Variants in ITGA4 observed in about 807,000 individuals in gnomAD.
ITGA4 encodes the protein integrin alpha-4.
Under a neutral mutation model 133.6 loss-of-function variants are expected in ITGA4, and 63 were observed. The observed-to-expected ratio is 0.47, with a 90% confidence interval of 0.38 to 0.58. ITGA4 has a LOEUF of 0.58. Ranked by LOEUF, ITGA4 falls within the 20% of genes least tolerant of loss-of-function variation. The pLI is 0.00. For missense variants in ITGA4, 1,076 were observed against 1,252.7 expected (o/e 0.86, Z 2.13); for synonymous variants, 483 against 438.0 (o/e 1.10, Z -1.28).
At chr2:181,488,664 T>C (rs1005433090) in intron 10 of ITGA4, among the ~76,000 whole-genome samples, 4 of 152,042 alleles carry the variant, frequency 2.6e-5, no homozygotes, top group Admixed American at 6.5e-5. Context: ...GTTCATGCCA[T>C]TCTCCTGCCT....
At chr2:181,470,471 C>T (rs753950975) in intron 2 of ITGA4, among the ~76,000 whole-genome samples, 42 of 152,210 alleles carry the variant, frequency 2.8e-4, no homozygotes, top group African/African-American at 5.8e-4. Context: ...CAAAAAAATT[C>T]TTATGTCTGG....
chr2:181,520,606 C>T (rs1686697726), intron 17 of ITGA4, among the ~76,000 whole-genome samples: 1 of 152,036 alleles, frequency 6.6e-6, no homozygotes, highest in African/African-American at 2.4e-5. Flanking sequence ...ATGACATTTT[C>T]AGACTTAAAA....
At chr2:181,509,829 C>A in intron 16 of ITGA4, 22 bp downstream of exon 16, 1 of 1,550,186 alleles carries the variant, frequency 6.5e-7, no homozygotes, top group South Asian at 1.2e-5. Context: ...TTCCTTTATT[C>A]AAATTATTGT....
rs1687154471 is a variant in ITGA4, at chr2:181,537,009, G to GTGAGGAATGTTCT, written c.*1483_*1495dup. ...ATCTGTTCACAGGCCTGCAGTGATG[G>GTGAGGAATGTTCT]TGAGGAATGTTCTGAGATTTGCGAA... On this transcript the variant is annotated 3_prime_UTR_variant, in exon 28 of 28. Transcript: ENST00000397033. 2.2e-6 allele frequency: 1 copy of GTGAGGAATGTTCT among 447,878 alleles called. No individual in the cohort carries two copies. The highest frequency in any genetic ancestry group is 2.4e-5 in the Admixed American group (1 of 41,758). 27.7% of individuals were successfully genotyped at this position (447,878 alleles called of 1,614,324 possible). A position where few individuals can be genotyped will look rare whatever the true frequency, so the allele number is the denominator to read the frequency against.
intron 17 of ITGA4, among the ~76,000 whole-genome samples, chr2:181,521,287 G>A (rs531083805): frequency 1.3e-5 from 2 of 152,216 alleles, no homozygotes; most frequent in African/African-American, 4.8e-5. Context: ...CTCTCACTGG[G>A]AAAAAGAATG....
rs151212304 is a variant in ITGA4 at position 181,476,981 on chromosome 2, C to T, written c.556+1693C>T. Among the ~76,000 whole-genome samples, 654 of 152,070 alleles carry T rather than the reference C, an allele frequency of 4.3e-3. 5 individuals carry two copies. The highest frequency in any genetic ancestry group is 5.4e-3 in the Non-Finnish European group (366 of 67,970). ...ACACTAGGGCCTACCTGGTGGTAGACGGTGGGAGCAGAGAGAGGATTGAAA... is the reference window on the plus strand; with the variant it reads ...ACACTAGGGCCTACCTGGTGGTAGATGGTGGGAGCAGAGAGAGGATTGAAA... On this transcript the variant is annotated intron_variant, in intron 4 of 27. Transcript: ENST00000397033.
In ITGA4 at chr2:181,490,164, C is replaced by G. The variant is rs146509452; in HGVS notation, c.1154-3161C>G. 1.1e-4 allele frequency among the ~76,000 whole-genome samples: 17 copies of G among 152,288 alleles called. No homozygotes were observed. The East Asian group carries it at 3.3e-3, about 29-fold the overall frequency. On this transcript the variant is annotated intron_variant, in intron 10 of 27. Coordinates refer to ENST00000397033, the MANE Select transcript of ITGA4 (RefSeq NM_000885.6). ...CATAACCAATTAGGTCGGGGTCGAT[C>G]TATAACTACCAGGCCCAGGATGTGG...
chr2:181,530,703 C>A lies in ITGA4; in HGVS notation c.2664+54C>A, dbSNP rs1311943112. 9.1e-6 allele frequency: 14 copies of A among 1,535,786 alleles called. No individual in the cohort carries two copies. In the South Asian group the frequency reaches 9.2e-5, roughly 10 times the overall value. On this transcript the variant is annotated intron_variant, in intron 24 of 27. Transcript: ENST00000397033. Reference sequence around the variant, plus strand: ...CCTGCTTTCCAACAGAGAAGTGAGACACTTAAAATCAAGTCAATGGGTTTG... The same window carrying A: ...CCTGCTTTCCAACAGAGAAGTGAGAAACTTAAAATCAAGTCAATGGGTTTG...
chr2:181,519,922 C>A lies in ITGA4; in HGVS notation c.1923-2269C>A, dbSNP rs553413287. ...GACATGTTGCTTGGACACCACCGAA[C>A]CCTTCTTTACATTTAATACAGACAT... On this transcript the variant is annotated intron_variant, in intron 17 of 27. Coordinates refer to ENST00000397033, the MANE Select transcript of ITGA4 (RefSeq NM_000885.6). 3.9e-4 allele frequency among the ~76,000 whole-genome samples: 59 copies of A among 152,184 alleles called. 1 individual carries two copies. In the South Asian group the frequency reaches 5.6e-3, roughly 14 times the overall value.
intron 10 of ITGA4, 151 bp from the exon 11 acceptor site, chr2:181,493,174 G>GTATTT: frequency 3.4e-6 from 2 of 587,656 alleles, no homozygotes; most frequent in Non-Finnish European, 6.0e-6. Context: ...GATGATGATA[G>GTATTT]TATTTTATTT....
chr2:181,464,516 A>G (rs896194820), intron 2 of ITGA4, among the ~76,000 whole-genome samples: 4 of 152,194 alleles, frequency 2.6e-5, no homozygotes, highest in South Asian at 2.1e-4. Flanking sequence ...TAATGTAATA[A>G]GCATGACAAT....
intron 2 of ITGA4, among the ~76,000 whole-genome samples, chr2:181,460,559 G>A (rs1026741283): frequency 7.5e-6 from 1 of 132,942 alleles, no homozygotes; most frequent in Non-Finnish European, 1.6e-5. Context: ...GCCATCTTCT[G>A]TAGAAGAGTG....
chr2:181,537,536 T>C lies in ITGA4; in HGVS notation c.*2009T>C, dbSNP rs144129463. ...TAACTATGTGATTTTGAAATTTAAC[T>C]GCTCTGGATTAGGGAGCAGTGAATC... On this transcript the variant is annotated 3_prime_UTR_variant, in exon 28 of 28. Transcript: ENST00000397033. The C allele has an allele frequency of 2.9e-5, 13 of 447,988 alleles. No individual in the cohort carries two copies. In the East Asian group the frequency reaches 4.9e-4, roughly 17 times the overall value. 27.8% of individuals were successfully genotyped at this position (447,988 alleles called of 1,614,324 possible).
intron 2 of ITGA4, among the ~76,000 whole-genome samples, chr2:181,462,668 G>A (rs1685314808): frequency 1.3e-5 from 2 of 152,106 alleles, no homozygotes; most frequent in Admixed American, 1.3e-4. Context: ...AAACTATCAG[G>A]TTACCAGAAA....
intron 1 of ITGA4, 81 bp downstream of exon 1, chr2:181,457,932 A>G: frequency 7.4e-7 from 1 of 1,351,306 alleles, no homozygotes; most frequent in South Asian, 1.4e-5. Flanking sequence ...TGCCCGATTC[A>G]AACTTTCCTC....
At chr2:181,464,370 G>T (rs946344154) in intron 2 of ITGA4, among the ~76,000 whole-genome samples, 1 of 152,058 alleles carries the variant, frequency 6.6e-6, no homozygotes, top group Non-Finnish European at 1.5e-5. Context: ...TTTTAACTGG[G>T]TTCTTCCTTC....
intron 2 of ITGA4, among the ~76,000 whole-genome samples, chr2:181,465,797 G>A (rs1685397233): frequency 6.6e-6 from 1 of 152,124 alleles, no homozygotes; most frequent in Admixed American, 6.6e-5. Flanking sequence ...GATAGTGTGA[G>A]TTTTAATCCC....
chr2:181,512,273 G>A (rs1159385591), intron 17 of ITGA4, among the ~76,000 whole-genome samples: 1 of 152,078 alleles, frequency 6.6e-6, no homozygotes, highest in African/African-American at 2.4e-5. Flanking sequence ...AGTGAAAGAA[G>A]GGAAGAAGAT....
intron 15 of ITGA4, among the ~76,000 whole-genome samples, chr2:181,508,738 T>G (rs1374079508): frequency 6.6e-6 from 1 of 151,746 alleles, no homozygotes; most frequent in East Asian, 1.9e-4. Context: ...CTTTAACAAC[T>G]AATAAGAAAA....
Sources: allele counts gnomAD v4.1 joint callset (sites outside exome capture counted in the v4.1 genomes callset), GRCh38; gene constraint gnomAD v4.1.1; transcripts MANE v1.5; gene names NCBI Gene and HGNC (gene_info 2026-07-23, HGNC 2026-07-21).